SNX29: variants seen among roughly 807,000 people sequenced by gnomAD.
SNX29 encodes the protein sorting nexin 29.
Under a neutral mutation model 102.1 loss-of-function variants are expected in SNX29, and 78 were observed. The observed-to-expected ratio is 0.76, with a 90% confidence interval of 0.64 to 0.92. The LOEUF (loss-of-function observed/expected upper bound fraction) is 0.92. SNX29 is among the 40% of genes least tolerant of loss of function. The pLI, the probability that SNX29 is intolerant of heterozygous loss-of-function variation, is 0.00. For synonymous variants in SNX29, 580 were observed against 414.5 expected (o/e 1.40, Z -4.85); for missense variants, 1,280 against 1,061.7 (o/e 1.21, Z -2.86).
intron 2 of SNX29, chr16:12,000,361 G>T (rs1484427993): frequency 6.6e-6 from 1 of 152,166 alleles, no homozygotes; most frequent in Admixed American, 6.6e-5. Flanking sequence ...GAAGCTCAGA[G>T]GGATCCAACA....
rs926840803 is a variant in SNX29 at position 12,524,987 on chromosome 16, C to T, written c.2318+146C>T. On this transcript the variant is annotated intron_variant, in intron 20 of 20. Transcript: ENST00000566228. ...CGAACTCCAGGGGCTGTTCCAGGTG[C>T]CAAAGTGGAGGTTGGGTCTCAGCGC... The T allele has an allele frequency of 2.8e-5, 33 of 1,186,954 alleles. No homozygotes were observed. The African/African-American group carries it at 3.9e-4, about 14-fold the overall frequency. The allele number at this position is 1,186,954 out of a possible 1,614,324, so 73.5% of individuals were successfully genotyped here. A position where few individuals can be genotyped will look rare whatever the true frequency, so the allele number is the denominator to read the frequency against.
chr16:12,536,714 A>C (rs954925811), intron 20 of SNX29, among the ~76,000 whole-genome samples: 1 of 152,190 alleles, frequency 6.6e-6, no homozygotes, highest in African/African-American at 2.4e-5. Flanking sequence ...GTGGTGGCTC[A>C]CGCCTGTAAT....
At chr16:12,068,972 G>C (rs2051166575) in intron 9 of SNX29, 85 bp from the exon 10 acceptor site, 1 of 1,295,848 alleles carries the variant, frequency 7.7e-7, no homozygotes. Context: ...TAGCAGATGA[G>C]CCAATGTCTG....
At chr16:12,177,835 G>A (rs1354255354) in intron 13 of SNX29, among the ~76,000 whole-genome samples, 2 of 152,174 alleles carry the variant, frequency 1.3e-5, no homozygotes, top group Non-Finnish European at 2.9e-5. Context: ...TCTCAACACT[G>A]GGGAGATAGC....
In SNX29 at chr16:12,571,566, TTC is replaced by T. The variant is rs2079188435; in HGVS notation, c.*2939_*2940del. ...GGGAGGAAGAATCCACACCGAATCC[TTC>T]TGTCTTCATGGCCTGCTGTGCTGAA... is the stretch of plus-strand genomic sequence containing the variant. On this transcript the variant is annotated 3_prime_UTR_variant, in exon 21 of 21. Transcript: ENST00000566228. 5.8e-6 allele frequency: 6 copies of T among 1,026,464 alleles called. No individual in the cohort carries two copies. In the East Asian group the frequency reaches 1.5e-4, roughly 26 times the overall value. The allele number at this position is 1,026,464 out of a possible 1,614,324, so 63.6% of individuals were successfully genotyped here. A position where few individuals can be genotyped will look rare whatever the true frequency, so the allele number is the denominator to read the frequency against.
At chr16:12,419,977 G>T (rs1567544792) in intron 18 of SNX29, among the ~76,000 whole-genome samples, 1 of 152,250 alleles carries the variant, frequency 6.6e-6, no homozygotes, top group Non-Finnish European at 1.5e-5. Flanking sequence ...CCACAGCTCA[G>T]GCTCGGCTTA....
chr16:12,130,848 G>A (rs1177357647), intron 13 of SNX29, among the ~76,000 whole-genome samples: 1 of 151,884 alleles, frequency 6.6e-6, no homozygotes, highest in Non-Finnish European at 1.5e-5. Context: ...CTTTTTAAGA[G>A]CTCCTGACAT....
chr16:12,481,068 A>C (rs2087883562), intron 19 of SNX29, among the ~76,000 whole-genome samples: 1 of 152,178 alleles, frequency 6.6e-6, no homozygotes, highest in Non-Finnish European at 1.5e-5. Context: ...TCACAGCAGC[A>C]AACCTTTCTC....
chr16:12,087,787 C>T, intron 11 of SNX29: 1 of 450,782 alleles, frequency 2.2e-6, no homozygotes, highest in Non-Finnish European at 4.5e-6. Context: ...AGCCAAACTT[C>T]TGGGGCTGCA....
intron 13 of SNX29, among the ~76,000 whole-genome samples, chr16:12,156,604 A>G (rs1006337400): frequency 6.6e-6 from 1 of 152,212 alleles, no homozygotes; most frequent in Non-Finnish European, 1.5e-5. Context: ...GGTGTGCAGG[A>G]AGGTTTCCCT....
intron 8 of SNX29, among the ~76,000 whole-genome samples, chr16:12,058,475 GT>G (rs1256643874): frequency 5.2e-5 from 5 of 96,308 alleles, no homozygotes; most frequent in Admixed American, 1.0e-4. Context: ...GCCCACTGGT[GT>G]TTTTTTTTTT....
At chr16:12,453,228 G>T (rs1380974030) in intron 18 of SNX29, among the ~76,000 whole-genome samples, 1 of 152,194 alleles carries the variant, frequency 6.6e-6, no homozygotes, top group Admixed American at 6.5e-5. Context: ...CATGGCAGAC[G>T]TGGCCAATCA....
intron 18 of SNX29, 47 bp from the exon 19 acceptor site, chr16:12,477,672 T>A: frequency 6.3e-7 from 1 of 1,597,592 alleles, no homozygotes. Context: ...TCCTACTCCT[T>A]TATAATAAGG....
intron 11 of SNX29, among the ~76,000 whole-genome samples, chr16:12,111,296 G>A (rs1314672360): frequency 6.6e-6 from 1 of 152,128 alleles, no homozygotes; most frequent in East Asian, 1.9e-4. Flanking sequence ...CTGTGGCCTC[G>A]TTCTGCACTT....
chr16:12,421,879 C>T (rs1182277285), intron 18 of SNX29, among the ~76,000 whole-genome samples: 2 of 152,028 alleles, frequency 1.3e-5, no homozygotes, highest in South Asian at 2.1e-4. Context: ...AGCCGTCCAT[C>T]ACCATCACCA....
chr16:12,553,258 C>G (rs994035602), intron 20 of SNX29, among the ~76,000 whole-genome samples: 2 of 152,220 alleles, frequency 1.3e-5, no homozygotes, highest in Non-Finnish European at 2.9e-5. Flanking sequence ...TTGTACAAGA[C>G]CACTGCCGCC....
intron 13 of SNX29, among the ~76,000 whole-genome samples, chr16:12,182,011 G>A (rs2076397115): frequency 6.6e-6 from 1 of 151,802 alleles, no homozygotes; most frequent in Non-Finnish European, 1.5e-5. Context: ...ACTGTTCTAA[G>A]TAGCTAGGAC....
At chr16:12,432,085 T>C (rs924616303) in intron 18 of SNX29, among the ~76,000 whole-genome samples, 1 of 152,206 alleles carries the variant, frequency 6.6e-6, no homozygotes, top group African/African-American at 2.4e-5. Context: ...AAATAAGACC[T>C]GGTGATGGTG....
chr16:12,459,127 T>A (rs2151745759), intron 18 of SNX29, among the ~76,000 whole-genome samples: 1 of 121,392 alleles, frequency 8.2e-6, no homozygotes, highest in Non-Finnish European at 1.7e-5. Context: ...CTCCTCCCAT[T>A]TCACTCCCCC....
Sources: allele counts gnomAD v4.1 joint callset (sites outside exome capture counted in the v4.1 genomes callset), GRCh38; gene constraint gnomAD v4.1.1; transcripts MANE v1.5; gene names NCBI Gene and HGNC (gene_info 2026-07-23, HGNC 2026-07-21).